RBMS3: variants seen among roughly 807,000 people sequenced by gnomAD.
RBMS3 encodes the protein RNA-binding motif, single-stranded-interacting protein 3.
In RBMS3, 27 loss-of-function variants were observed where a neutral mutation model predicts 66.8. The ratio of observed to expected loss-of-function variants is 0.40; its 90% CI spans 0.30 to 0.56. The LOEUF (loss-of-function observed/expected upper bound fraction) is 0.56, where lower values mean the gene tolerates loss of function less well. RBMS3 is among the 20% of genes least tolerant of loss of function. The probability of loss-of-function intolerance (pLI) is 0.40; values close to 1 mark genes in which losing one functional copy is unlikely to be tolerated. For missense variants in RBMS3, 513 were observed against 549.5 expected, an observed-to-expected ratio of 0.93 and a Z score of 0.66; for synonymous variants, 188 against 183.0, an observed-to-expected ratio of 1.03 and a Z score of -0.22.
At chr3:29,497,776 G>A (rs954311090) in intron 3 of RBMS3, among the ~76,000 whole-genome samples, 1 of 151,966 alleles carries the variant, frequency 6.6e-6, no homozygotes, top group South Asian at 2.1e-4. Context: ...TATTGCCGAA[G>A]TATTGAGGAT....
intron 4 of RBMS3, among the ~76,000 whole-genome samples, chr3:29,604,897 G>T (rs2048269897): frequency 6.6e-6 from 1 of 151,860 alleles, no homozygotes; most frequent in African/African-American, 2.4e-5. Context: ...AATGGGGTTA[G>T]AGCATGATAG....
At chr3:29,662,006 C>T (rs2050572404) in intron 4 of RBMS3, among the ~76,000 whole-genome samples, 1 of 152,212 alleles carries the variant, frequency 6.6e-6, no homozygotes, top group Admixed American at 6.5e-5. Context: ...TCAGTTTTTA[C>T]AACCAACAGT....
intron 6 of RBMS3, chr3:29,766,904 C>T (rs1371424041): frequency 6.6e-6 from 1 of 151,910 alleles, no homozygotes; most frequent in Non-Finnish European, 1.5e-5. Context: ...GATCATTCAG[C>T]GTTTTCTCCC....
At chr3:29,432,587 C>CTG (rs1452918391) in intron 1 of RBMS3, among the ~76,000 whole-genome samples, 1 of 152,114 alleles carries the variant, frequency 6.6e-6, no homozygotes, top group East Asian at 1.9e-4. Flanking sequence ...CAAGCACCTA[C>CTG]TGTATATCAG....
chr3:29,735,435 T>C (rs1486072508), intron 4 of RBMS3, among the ~76,000 whole-genome samples: 2 of 152,168 alleles, frequency 1.3e-5, no homozygotes, highest in Non-Finnish European at 2.9e-5. Context: ...AAGAAATCCT[T>C]GTACAAATGA....
intron 12 of RBMS3, among the ~76,000 whole-genome samples, chr3:29,983,194 T>C (rs143246708): frequency 0.027 from 4,085 of 151,836 alleles, 112 homozygotes; most frequent in East Asian, 0.16. Context: ...TCTTTGTTGT[T>C]TTAAAGTCTG....
intron 11 of RBMS3, among the ~76,000 whole-genome samples, chr3:29,941,153 A>C (rs538310484): frequency 3.8e-4 from 57 of 151,908 alleles, no homozygotes; most frequent in African/African-American, 1.3e-3. Flanking sequence ...ATGATTTGTG[A>C]TATCATCGAT....
At chr3:29,298,940 A>G (rs1450273134) in intron 1 of RBMS3, among the ~76,000 whole-genome samples, 1 of 151,854 alleles carries the variant, frequency 6.6e-6, no homozygotes, top group Non-Finnish European at 1.5e-5. Flanking sequence ...TGGTTTGGAC[A>G]AGACAGGAGT....
chr3:29,894,326 TTCCCACTTCACC>T (rs984567203), intron 8 of RBMS3, among the ~76,000 whole-genome samples: 33 of 151,520 alleles, frequency 2.2e-4, no homozygotes, highest in Non-Finnish European at 3.7e-4. Flanking sequence ...TTAAATGATC[TTCCCACTTCACC>T]TCCCAAGTAG....
chr3:29,654,102 C>T (rs1451185599), intron 4 of RBMS3, among the ~76,000 whole-genome samples: 2 of 152,172 alleles, frequency 1.3e-5, no homozygotes, highest in African/African-American at 4.8e-5. Flanking sequence ...TACTATTTAG[C>T]TGGCACTTCT....
chr3:29,492,095 C>T (rs1301521811), intron 3 of RBMS3, among the ~76,000 whole-genome samples: 1 of 152,138 alleles, frequency 6.6e-6, no homozygotes. Context: ...ATAAAAGCCT[C>T]CCATTGCCTT....
At chr3:29,539,325 T>A (rs1350037047) in intron 3 of RBMS3, among the ~76,000 whole-genome samples, 3 of 152,188 alleles carry the variant, frequency 2.0e-5, no homozygotes, top group Non-Finnish European at 4.4e-5. Flanking sequence ...ATAAACTCCT[T>A]TGTAGCAATT....
chr3:29,446,729 A>G (rs1403356157), intron 2 of RBMS3, among the ~76,000 whole-genome samples: 1 of 152,172 alleles, frequency 6.6e-6, no homozygotes, highest in Non-Finnish European at 1.5e-5. Context: ...AGCAGTTTAA[A>G]ACATGGTAAT....
intron 1 of RBMS3, chr3:29,391,066 A>G: frequency 5.6e-6 from 2 of 360,020 alleles, no homozygotes; most frequent in Non-Finnish European, 1.2e-5. Context: ...ACAGCAAATC[A>G]ACCTAATTAA....
At chr3:29,935,271 CTT>C (rs1316698323) in intron 10 of RBMS3, among the ~76,000 whole-genome samples, 1 of 152,108 alleles carries the variant, frequency 6.6e-6, no homozygotes, top group African/African-American at 2.4e-5. Flanking sequence ...CCATATGACA[CTT>C]TGCATATGGA....
intron 4 of RBMS3, among the ~76,000 whole-genome samples, chr3:29,668,727 G>T (rs894472499): frequency 1.3e-5 from 2 of 152,074 alleles, no homozygotes; most frequent in African/African-American, 4.8e-5. Context: ...AAAATCAGTT[G>T]GACTTCACAG....
intron 2 of RBMS3, among the ~76,000 whole-genome samples, chr3:29,439,876 A>T (rs1321370346): frequency 2.0e-5 from 3 of 152,176 alleles, no homozygotes; most frequent in African/African-American, 7.2e-5. Flanking sequence ...GATTATACAG[A>T]TTTACTCATG....
chr3:29,959,016 A>G (rs2122219), intron 12 of RBMS3, among the ~76,000 whole-genome samples: 38,044 of 152,054 alleles, frequency 0.25, 5,095 homozygotes, highest in African/African-American at 0.35. Context: ...GAGAAGATAC[A>G]AGAATTCGAC....
At chr3:29,716,076 G>T (rs887434031) in intron 4 of RBMS3, among the ~76,000 whole-genome samples, 4 of 152,132 alleles carry the variant, frequency 2.6e-5, no homozygotes, top group Non-Finnish European at 2.9e-5. Context: ...AGATTAAGAA[G>T]ATGGGTCACA....
Sources: gnomAD v4.1 joint callset for allele counts (sites outside exome capture counted in the v4.1 genomes callset) on GRCh38, gnomAD v4.1.1 for gene constraint, MANE v1.5 for transcripts, NCBI Gene and HGNC (gene_info 2026-07-23, HGNC 2026-07-21) for gene names.